RBM39: variants seen among roughly 807,000 people sequenced by gnomAD.
RBM39 encodes RNA-binding protein 39.
RBM39 carries 12 observed loss-of-function variants against 79.6 expected under a neutral mutation model. That is an observed-to-expected ratio of 0.15 (90% confidence interval 0.10 to 0.24). RBM39 has a LOEUF of 0.24. Ranked by LOEUF, RBM39 falls within the 10% of genes least tolerant of loss-of-function variation. The pLI, the probability that RBM39 is intolerant of heterozygous loss-of-function variation, is 1.00. For synonymous variants in RBM39, 185 were observed against 208.4 expected (o/e 0.89, Z 0.97); for missense variants, 243 against 653.4 (o/e 0.37, Z 6.85).
intron 6 of RBM39, among the ~76,000 whole-genome samples, chr20:35,726,621 G>A (rs1257796832): frequency 3.3e-5 from 5 of 152,168 alleles, no homozygotes; most frequent in African/African-American, 9.7e-5. Context: ...TGGCAAACTT[G>A]AAGTGAAACC....
intron 9 of RBM39, among the ~76,000 whole-genome samples, chr20:35,720,332 G>A (rs997592430): frequency 1.3e-5 from 2 of 152,140 alleles, no homozygotes. Context: ...CCAGACACAA[G>A]GCCTCGTGGC....
chr20:35,701,608 G>C lies in RBM39; in HGVS notation c.*2873C>G, dbSNP rs1568970814. The stretch of plus-strand genomic sequence containing the variant: ...CTCTACTAAAAATACAAAAACTTAA[G>C]CCGGGTGTGTTGACACGCGCCTGTA... On this transcript the variant is annotated 3_prime_UTR_variant, in exon 17 of 17. Coordinates refer to ENST00000253363, the MANE Select transcript of RBM39 (RefSeq NM_184234.3). The C allele has an allele frequency of 6.6e-6, 1 of 152,130 alleles. No homozygotes were observed. The highest frequency in any genetic ancestry group is 1.9e-4 in the East Asian group (1 of 5,160). 9.4% of individuals were successfully genotyped at this position (152,130 alleles called of 1,614,324 possible).
In RBM39 at chr20:35,716,650, G is replaced by A; in HGVS notation, c.891+90C>T. 8.8e-6 allele frequency: 7 copies of A among 796,084 alleles called. No homozygotes were observed. The South Asian group carries it at 9.7e-5, about 11-fold the overall frequency. The allele number at this position is 796,084 out of a possible 1,614,324, so 49.3% of individuals were successfully genotyped here. A position where few individuals can be genotyped will look rare whatever the true frequency, so the allele number is the denominator to read the frequency against. ...AGGCTAAGGTGGGACATCATTTAAG[G>A]CCAGGAGCTAGAGACTAATCTGAGC... On this transcript the variant is annotated intron_variant, in intron 10 of 16. Coordinates refer to ENST00000253363, the MANE Select transcript of RBM39 (RefSeq NM_184234.3).
At chr20:35,715,508 T>C (rs1489441945) in intron 10 of RBM39, among the ~76,000 whole-genome samples, 1 of 152,098 alleles carries the variant, frequency 6.6e-6, no homozygotes. Context: ...ATTCTGGTCT[T>C]GGTTGTGAGG....
intron 3 of RBM39, among the ~76,000 whole-genome samples, chr20:35,737,205 G>A (rs557111046): frequency 1.3e-5 from 2 of 150,976 alleles, no homozygotes; most frequent in African/African-American, 4.9e-5. Context: ...GCCTGGCCAG[G>A]ATGGTGAATC....
chr20:35,705,306 G>A lies in RBM39; in HGVS notation c.1332C>T (p.Thr444=), dbSNP rs373648523. The A allele has an allele frequency of 4.4e-5, 70 of 1,583,344 alleles. No individual in the cohort carries two copies. Among genetic ancestry groups the A allele is most frequent in the Non-Finnish European group, 5.6e-5 (66 of 1,168,482 alleles). The change falls in exon 15 of 17, where the codon ACC becomes ACT. Residue 444 remains threonine, a synonymous_variant. Coordinates refer to ENST00000253363, the MANE Select transcript of RBM39 (RefSeq NM_184234.3). ...PQTEEEVGWD[T]EIKDDVIEEC... ...CTTCAATCACATCATCCTTAATCTC[G>A]GTATCCCATCCAACTTCTTCTTCTC...
At chr20:35,740,761 G>A in intron 2 of RBM39, 63 bp downstream of exon 2, 3 of 1,497,010 alleles carry the variant, frequency 2.0e-6, no homozygotes, top group Non-Finnish European at 2.8e-6. Flanking sequence ...CATTTCAGCA[G>A]TAGTTTCGTG....
At chr20:35,731,892 A>AT (rs763562796) in intron 4 of RBM39, 49 bp downstream of exon 4, 5 of 1,516,028 alleles carry the variant, frequency 3.3e-6, no homozygotes, top group Non-Finnish European at 4.5e-6. Context: ...TGCCATCTGA[A>AT]TACCCAGAGA....
chr20:35,732,381 C>G (rs2039467668), intron 3 of RBM39: 3 of 490,530 alleles, frequency 6.1e-6, no homozygotes, highest in Non-Finnish European at 1.1e-5. Flanking sequence ...TGTAGTGAAA[C>G]CCCGTCCCTA....
chr20:35,711,857 A>C (rs2036460403), intron 12 of RBM39, among the ~76,000 whole-genome samples: 2 of 152,128 alleles, frequency 1.3e-5, no homozygotes, highest in Non-Finnish European at 2.9e-5. Context: ...TATAAGGTCA[A>C]AGGACCAGCC....
chr20:35,724,229 G>A (rs1440482289), intron 8 of RBM39, among the ~76,000 whole-genome samples: 3 of 152,128 alleles, frequency 2.0e-5, no homozygotes, highest in African/African-American at 7.2e-5. Flanking sequence ...CTACTCAGGA[G>A]GCTGAGGCAG....
chr20:35,719,855 T>A (rs1310505715), intron 9 of RBM39, among the ~76,000 whole-genome samples: 1 of 152,034 alleles, frequency 6.6e-6, no homozygotes, highest in East Asian at 1.9e-4. Flanking sequence ...TGATCTCGGC[T>A]CACTGCAATC....
intron 14 of RBM39, among the ~76,000 whole-genome samples, chr20:35,705,921 G>T (rs1258685579): frequency 6.6e-6 from 1 of 152,118 alleles, no homozygotes; most frequent in African/African-American, 2.4e-5. Flanking sequence ...AGTTAAATGG[G>T]CCAGGCGCAG....
intron 3 of RBM39, among the ~76,000 whole-genome samples, chr20:35,737,638 G>T (rs1158081525): frequency 6.6e-6 from 1 of 150,904 alleles, no homozygotes; most frequent in Non-Finnish European, 1.5e-5. Flanking sequence ...CAAGGCAGGC[G>T]GATCACAAGG....
intron 3 of RBM39, among the ~76,000 whole-genome samples, chr20:35,733,366 G>A (rs1438847028): frequency 3.3e-5 from 5 of 151,454 alleles, no homozygotes; most frequent in Non-Finnish European, 7.4e-5. Context: ...TCAGCACTTT[G>A]GGAGGCTGAG....
intron 3 of RBM39, among the ~76,000 whole-genome samples, chr20:35,737,889 C>T (rs1313453927): frequency 6.9e-6 from 1 of 144,966 alleles, no homozygotes; most frequent in Non-Finnish European, 1.5e-5. Flanking sequence ...CGCGGTGGCT[C>T]ACACCTGTAA....
chr20:35,715,151 T>C (rs76686653), intron 10 of RBM39, among the ~76,000 whole-genome samples: 2,891 of 152,240 alleles, frequency 0.019, 89 homozygotes, highest in African/African-American at 0.066. Context: ...CTTTTAAAAA[T>C]ACTATGTTTC....
At chr20:35,730,551 A>T (rs1472347954) in intron 4 of RBM39, among the ~76,000 whole-genome samples, 2 of 152,162 alleles carry the variant, frequency 1.3e-5, no homozygotes, top group Non-Finnish European at 1.5e-5. Flanking sequence ...ATTAGTTATA[A>T]GCTATTTTCT....
intron 3 of RBM39, chr20:35,735,207 A>G (rs1474816984): frequency 7.7e-7 from 1 of 1,298,630 alleles, no homozygotes; most frequent in Non-Finnish European, 1.0e-6. Flanking sequence ...AATTCTCTAA[A>G]GAGCTTAACG....
Sources: allele counts gnomAD v4.1 joint callset (sites outside exome capture counted in the v4.1 genomes callset), GRCh38; gene constraint gnomAD v4.1.1; transcripts MANE v1.5; gene names NCBI Gene and HGNC (gene_info 2026-07-23, HGNC 2026-07-21).